NT5C1B: variants seen among roughly 807,000 people sequenced by gnomAD.
The protein encoded by NT5C1B is 5'-nucleotidase, cytosolic IB.
A neutral mutation model predicts 57.8 loss-of-function variants in NT5C1B; 44 were observed. That is an observed-to-expected ratio of 0.76 (90% CI 0.60 to 0.98). NT5C1B has a LOEUF of 0.98. Among genes scored for constraint, NT5C1B ranks in the 50% least tolerant of loss-of-function variants. The probability of loss-of-function intolerance (pLI) is 0.00; values close to 1 mark genes in which losing one functional copy is unlikely to be tolerated. For missense variants in NT5C1B, 742 were observed against 719.5 expected (o/e 1.03, Z -0.36); for synonymous variants, 284 against 282.6 (o/e 1.00, Z -0.05).
intron 1 of NT5C1B, among the ~76,000 whole-genome samples, chr2:18,587,953 G>A (rs1290410143): frequency 1.3e-5 from 2 of 152,060 alleles, no homozygotes; most frequent in African/African-American, 4.8e-5. Flanking sequence ...GCTACTTATG[G>A]AACTTACTTT....
At chr2:18,576,838 T>C in exon 7 of NT5C1B, 1 of 1,613,932 alleles carries the variant, frequency 6.2e-7, no homozygotes, top group Non-Finnish European at 8.5e-7. Context: ...AAGATATGCC[T>C]TCAAATAGCC....
At chr2:18,571,117 G>T (rs1248471821) in intron 8 of NT5C1B, among the ~76,000 whole-genome samples, 1 of 152,182 alleles carries the variant, frequency 6.6e-6, no homozygotes, top group South Asian at 2.1e-4. Context: ...TAAGATCTGG[G>T]TATATGGCAA....
chr2:18,586,300 T>C, exon 3 of NT5C1B: 1 of 1,614,196 alleles, frequency 6.2e-7, no homozygotes, highest in South Asian at 1.1e-5. Context: ...GGATGGAGCC[T>C]TGGTGGATGG....
intron 6 of NT5C1B, among the ~76,000 whole-genome samples, 172 bp from the exon 7 acceptor site, chr2:18,577,067 G>A (rs1665751032): frequency 6.6e-6 from 1 of 152,028 alleles, no homozygotes; most frequent in African/African-American, 2.4e-5. Context: ...TCATCTTATG[G>A]TACCAATATT....
At chr2:18,576,096 A>G (rs1281036581) in intron 8 of NT5C1B, 88 bp downstream of exon 8, 4 of 1,357,172 alleles carry the variant, frequency 2.9e-6, no homozygotes, top group Non-Finnish European at 3.9e-6. Flanking sequence ...GAATAACTTA[A>G]ACATTCATCA....
At chr2:18,575,427 ATATT>A (rs1417908987) in intron 8 of NT5C1B, among the ~76,000 whole-genome samples, 1 of 152,128 alleles carries the variant, frequency 6.6e-6, no homozygotes, top group Non-Finnish European at 1.5e-5. Context: ...AAAAATAACA[ATATT>A]TAAGTTTAAC....
At chr2:18,576,092 CTT>C in intron 8 of NT5C1B, 90 bp downstream of exon 8, 2 of 1,346,408 alleles carry the variant, frequency 1.5e-6, no homozygotes, top group South Asian at 3.6e-5. Context: ...CCTAGAATAA[CTT>C]AAACATTCAT....
At position 18,584,292 on chromosome 2, in the gene NT5C1B, A is replaced by G; in HGVS notation, c.724-37T>C. ...GACGCCAAAGGGAGGATAGTCACAT[A>G]GCCACGAAGAGGACAGGGTTGGGGC... On this transcript the variant is annotated intron_variant, in intron 4 of 8. Coordinates refer to ENST00000304081, the Ensembl canonical transcript of NT5C1B. The surrounding 1 kb of genome is among the most constrained non-coding windows in gnomAD (Gnocchi z 5.8). 1 of 1,602,396 alleles carries G rather than the reference A, an allele frequency of 6.2e-7. No individual in the cohort carries two copies. Among genetic ancestry groups the G allele is most frequent in the Non-Finnish European group, 8.5e-7 (1 of 1,173,640 alleles).
chr2:18,586,522 T>G, intron 2 of NT5C1B, 131 bp from the exon 3 acceptor site: 5 of 1,358,302 alleles, frequency 3.7e-6, no homozygotes, highest in Non-Finnish European at 5.0e-6. Flanking sequence ...CCTCAATGAC[T>G]CTTAACTCAA....
At position 18,584,053 on chromosome 2, in the gene NT5C1B, G is replaced by A; in HGVS notation, c.891+35C>T. 2 of 1,614,182 alleles carry A rather than the reference G, an allele frequency of 1.2e-6. No homozygotes were observed. Among genetic ancestry groups the A allele is most frequent in the South Asian group, 1.1e-5 (1 of 91,084 alleles). On this transcript the variant is annotated intron_variant, in intron 5 of 8. Transcript: ENST00000304081. The surrounding 1 kb of genome is among the most constrained non-coding windows in gnomAD (Gnocchi z 5.8). ...GCCTGGGTCCCTCCCTCGCCATCGA[G>A]TGTCCTGGCGGGCCAAAGACAGCTT...
In NT5C1B at chr2:18,584,304, G is replaced by GAC. The variant is rs775367620; in HGVS notation, c.724-51_724-50dup. On this transcript the variant is annotated intron_variant, in intron 4 of 8. Coordinates refer to ENST00000304081, the Ensembl canonical transcript of NT5C1B. The surrounding 1 kb of genome is among the most constrained non-coding windows in gnomAD (Gnocchi z 5.8). The stretch of plus-strand genomic sequence containing the variant: ...AGGATAGTCACATAGCCACGAAGAG[G>GAC]ACAGGGTTGGGGCTCCTCCAGGGTA... 591 of 1,594,866 alleles carry GAC rather than the reference G, an allele frequency of 3.7e-4. No homozygotes were observed. The highest frequency in any genetic ancestry group is 3.0e-3 in the Middle Eastern group (17 of 5,598).
At chr2:18,575,261 C>T (rs964428437) in intron 8 of NT5C1B, among the ~76,000 whole-genome samples, 1 of 151,928 alleles carries the variant, frequency 6.6e-6, no homozygotes, top group African/African-American at 2.4e-5. Context: ...CTTTATAACA[C>T]TAGGTCAGGG....
rs1665653433 is a variant in NT5C1B, at chr2:18,576,176, G to C, written c.1329+8C>G. The C allele has an allele frequency of 6.2e-7, 1 of 1,602,206 alleles. No homozygotes were observed. The highest frequency in any genetic ancestry group is 8.5e-7 in the Non-Finnish European group (1 of 1,176,898). On this transcript the variant is annotated splice_region_variant and intron_variant, in intron 8 of 8. Coordinates refer to ENST00000304081, the Ensembl canonical transcript of NT5C1B. ...ACATAAAAATTAATTAGCACTCATT[G>C]AACCTACCTGAGCAAGAGGCTTACT...
intron 3 of NT5C1B, 172 bp from the exon 4 acceptor site, chr2:18,585,150 T>A: frequency 1.1e-6 from 1 of 881,744 alleles, no homozygotes; most frequent in Non-Finnish European, 1.9e-6. Context: ...CTGTTTGATA[T>A]TTCTGTTAAA....
chr2:18,588,772 A>G (rs1358913736), intron 1 of NT5C1B, among the ~76,000 whole-genome samples: 1 of 152,146 alleles, frequency 6.6e-6, no homozygotes, highest in Non-Finnish European at 1.5e-5. Context: ...TATTTACAAG[A>G]TGTAAATCTA....
At chr2:18,578,428 G>A (rs1465843149) in intron 6 of NT5C1B, among the ~76,000 whole-genome samples, 1 of 152,100 alleles carries the variant, frequency 6.6e-6, no homozygotes, top group African/African-American at 2.4e-5. Context: ...CTGTGATCAA[G>A]TAGGCTTTAT....
intron 8 of NT5C1B, among the ~76,000 whole-genome samples, chr2:18,571,181 T>C (rs1665119606): frequency 6.6e-6 from 1 of 152,010 alleles, no homozygotes; most frequent in Non-Finnish European, 1.5e-5. Context: ...ACTAGCAAGG[T>C]AAAAAGGCAA....
At chr2:18,577,920 A>C (rs1300844721) in intron 6 of NT5C1B, among the ~76,000 whole-genome samples, 4 of 152,180 alleles carry the variant, frequency 2.6e-5, no homozygotes, top group Non-Finnish European at 5.9e-5. Context: ...CAGAAATGAC[A>C]CAAGTGACAT....
chr2:18,584,044 C>T lies in NT5C1B; in HGVS notation c.891+44G>A, dbSNP rs187010842. On this transcript the variant is annotated intron_variant, in intron 5 of 8. Transcript: ENST00000304081. This position sits in a 1 kb window ranked among gnomAD's most constrained non-coding sequence, Gnocchi z 5.8. Reference sequence around the variant, plus strand: ...CAAGGGTTGGCCTGGGTCCCTCCCTCGCCATCGAGTGTCCTGGCGGGCCAA... The same window carrying T: ...CAAGGGTTGGCCTGGGTCCCTCCCTTGCCATCGAGTGTCCTGGCGGGCCAA... The T allele has an allele frequency of 1.7e-4, 269 of 1,614,136 alleles. No homozygotes were observed. In the African/African-American group the frequency reaches 3.2e-3, roughly 19 times the overall value.
Sources: allele counts gnomAD v4.1 joint callset (sites outside exome capture counted in the v4.1 genomes callset), GRCh38; gene constraint gnomAD v4.1.1; non-coding constraint Gnocchi (gnomAD v3.1); transcripts MANE v1.5; gene names NCBI Gene and HGNC (gene_info 2026-07-23, HGNC 2026-07-21).